TCF20: variants seen among roughly 807,000 people sequenced by gnomAD.
The protein encoded by TCF20 is SPRE-binding protein.
A neutral mutation model predicts 148.6 loss-of-function variants in TCF20; 3 were observed. That is an observed-to-expected ratio of 0.02 (90% CI 0.01 to 0.05). The LOEUF is 0.05. TCF20 is among the 10% of genes least tolerant of loss of function. The probability of loss-of-function intolerance (pLI) is 1.00; values close to 1 mark genes in which losing one functional copy is unlikely to be tolerated. For missense variants in TCF20, 2,350 were observed against 2,429.3 expected (o/e 0.97, Z 0.69); for synonymous variants, 1,049 against 909.5 (o/e 1.15, Z -2.76).
intron 2 of TCF20, among the ~76,000 whole-genome samples, chr22:42,206,748 T>C (rs1037541669): frequency 6.6e-6 from 1 of 152,218 alleles, no homozygotes; most frequent in Non-Finnish European, 1.5e-5. Flanking sequence ...GCTCCTTGCA[T>C]GACTGAATTA....
intron 1 of TCF20, among the ~76,000 whole-genome samples, chr22:42,324,055 GTGGTGA>G (rs1927811887): frequency 6.8e-6 from 1 of 147,720 alleles, no homozygotes; most frequent in Non-Finnish European, 1.5e-5. Flanking sequence ...GGTGGTGGTG[GTGGTGA>G]TGGAGGTTAT....
At chr22:42,206,354 C>T (rs1213627180) in intron 2 of TCF20, among the ~76,000 whole-genome samples, 1 of 151,994 alleles carries the variant, frequency 6.6e-6, no homozygotes, top group Non-Finnish European at 1.5e-5. Flanking sequence ...TCAGGAGTTC[C>T]AGACCAGCCT....
At chr22:42,172,441 G>A (rs1033015435) in intron 3 of TCF20, among the ~76,000 whole-genome samples, 1 of 152,222 alleles carries the variant, frequency 6.6e-6, no homozygotes, top group Non-Finnish European at 1.5e-5. Flanking sequence ...ACTGTCCAGA[G>A]GGCGCAGTCA....
At chr22:42,295,547 A>G (rs1927219764) in intron 1 of TCF20, among the ~76,000 whole-genome samples, 1 of 150,298 alleles carries the variant, frequency 6.7e-6, no homozygotes, top group Non-Finnish European at 1.5e-5. Context: ...AGGTTCAAGC[A>G]ATTCTCCTGC....
intron 3 of TCF20, among the ~76,000 whole-genome samples, chr22:42,179,114 T>C (rs1936621762): frequency 6.6e-6 from 1 of 150,816 alleles, no homozygotes; most frequent in Non-Finnish European, 1.5e-5. Flanking sequence ...ACTCATGCAC[T>C]GCCACTGAGA....
intron 1 of TCF20, among the ~76,000 whole-genome samples, chr22:42,268,164 AG>A (rs1414051123): frequency 6.6e-6 from 1 of 152,110 alleles, no homozygotes; most frequent in Non-Finnish European, 1.5e-5. Flanking sequence ...AGTAAATAAA[AG>A]GGGATTTAAT....
intron 5 of TCF20, among the ~76,000 whole-genome samples, chr22:42,166,546 T>C (rs1935798215): frequency 6.7e-6 from 1 of 149,692 alleles, no homozygotes. Flanking sequence ...GAGATGGAGG[T>C]TGCAGTGAGC....
intron 1 of TCF20, among the ~76,000 whole-genome samples, chr22:42,263,846 T>C (rs1372095950): frequency 1.3e-5 from 2 of 152,204 alleles, no homozygotes; most frequent in Non-Finnish European, 2.9e-5. Context: ...CTGTGAACTA[T>C]GCTGGTAAGA....
intron 1 of TCF20, among the ~76,000 whole-genome samples, chr22:42,218,853 T>C (rs1309309308): frequency 6.6e-6 from 1 of 151,810 alleles, no homozygotes; most frequent in Non-Finnish European, 1.5e-5. Context: ...CCCTGTCCTG[T>C]ATGATACCCC....
At position 42,299,033 on chromosome 22, in the gene TCF20, A is replaced by G. The variant is rs1020764512; in HGVS notation, c.-37+44446T>C. 1.6e-4 allele frequency among the ~76,000 whole-genome samples: 25 copies of G among 152,266 alleles called. 1 individual carries two copies. The South Asian group carries it at 1.9e-3, about 11-fold the overall frequency. ...CTGTGGACCAACTGAAACAGAGAAT[A>G]ACCATGGCAGTGATGGGTGGGCTCC... On this transcript the variant is annotated intron_variant, in intron 1 of 1. Coordinates refer to the TCF20 transcript ENST00000515426. The surrounding 1 kb of genome is among the most constrained non-coding windows in gnomAD (Gnocchi z 4.1).
intron 2 of TCF20, among the ~76,000 whole-genome samples, chr22:42,181,769 C>G (rs1486922658): frequency 1.3e-5 from 2 of 151,980 alleles, no homozygotes; most frequent in African/African-American, 4.8e-5. Flanking sequence ...GCTACCACAT[C>G]CAGCTTTTTC....
intron 1 of TCF20, among the ~76,000 whole-genome samples, chr22:42,238,093 A>G (rs746258351): frequency 6.6e-6 from 1 of 152,354 alleles, no homozygotes; most frequent in Admixed American, 6.5e-5. Context: ...CTTTTCTGAC[A>G]TAAGGCTACA....
At chr22:42,304,032 CT>C (rs1411091910) in intron 1 of TCF20, among the ~76,000 whole-genome samples, 1 of 151,952 alleles carries the variant, frequency 6.6e-6, no homozygotes, top group Non-Finnish European at 1.5e-5. Flanking sequence ...CCCCACCCCC[CT>C]GCCGCAAGAA....
intron 1 of TCF20, among the ~76,000 whole-genome samples, chr22:42,260,027 A>C (rs1406878479): frequency 6.6e-6 from 1 of 152,222 alleles, no homozygotes; most frequent in Non-Finnish European, 1.5e-5. Flanking sequence ...TGAACAAAAC[A>C]AGGCAGGGTG....
intron 3 of TCF20, among the ~76,000 whole-genome samples, chr22:42,175,270 A>ATCC (rs1410941371): frequency 6.6e-6 from 1 of 152,156 alleles, no homozygotes; most frequent in Admixed American, 6.5e-5. Flanking sequence ...GCCTCAAGTG[A>ATCC]TCCTCTAGCC....
chr22:42,289,955 G>T (rs909230671), intron 1 of TCF20, among the ~76,000 whole-genome samples: 1 of 152,218 alleles, frequency 6.6e-6, no homozygotes, highest in Non-Finnish European at 1.5e-5. Context: ...GATATTGCGT[G>T]CAGGCCGAAC....
chr22:42,212,442 CTAG>C lies in TCF20; in HGVS notation c.2861_2863del (p.Pro954_Ser955delinsArg). On this transcript the variant is annotated inframe_deletion, in exon 2 of 6. Coordinates refer to ENST00000677622, the MANE Select transcript of TCF20 (RefSeq NM_001378418.1). ...GCCGCGGTAAGACTCATGCTTGATG[CTAG>C]GAGGATGGCAGTGGTCTCCAGATTT... The C allele has an allele frequency of 6.2e-7, 1 of 1,614,214 alleles. No homozygotes were observed. Among genetic ancestry groups the C allele is most frequent in the South Asian group, 1.1e-5 (1 of 91,078 alleles).
At chr22:42,342,499 G>A (rs967307596) in intron 1 of TCF20, among the ~76,000 whole-genome samples, 1 of 152,224 alleles carries the variant, frequency 6.6e-6, no homozygotes, top group Non-Finnish European at 1.5e-5. Context: ...ACTCTGAGCA[G>A]CACTAGACTA....
chr22:42,216,959 A>C (rs988617429), intron 1 of TCF20, among the ~76,000 whole-genome samples: 2 of 152,246 alleles, frequency 1.3e-5, no homozygotes, highest in Admixed American at 1.3e-4. Context: ...AACAAGTTCC[A>C]AAATACATAT....
Sources: gnomAD v4.1 joint callset for allele counts (sites outside exome capture counted in the v4.1 genomes callset) on GRCh38, gnomAD v4.1.1 for gene constraint, Gnocchi (gnomAD v3.1) non-coding constraint, MANE v1.5 for transcripts, NCBI Gene and HGNC (gene_info 2026-07-23, HGNC 2026-07-21) for gene names.